Variants in DOCK5 observed in about 807,000 individuals in gnomAD.
DOCK5 encodes the protein dedicator of cytokinesis 5.
In DOCK5, 142 loss-of-function variants were observed where a neutral mutation model predicts 251.8. That is an observed-to-expected ratio of 0.56 (90% CI 0.49 to 0.65). The LOEUF (loss-of-function observed/expected upper bound fraction) is 0.65. DOCK5 is among the 30% of genes least tolerant of loss of function. DOCK5 has a pLI of 0.00. For synonymous variants in DOCK5, 842 were observed against 835.5 expected (o/e 1.01, Z -0.13); for missense variants, 2,111 against 2,312.3 (o/e 0.91, Z 1.79).
At chr8:25,231,041 C>T (rs906076331) in intron 1 of DOCK5, among the ~76,000 whole-genome samples, 3 of 152,032 alleles carry the variant, frequency 2.0e-5, no homozygotes, top group South Asian at 2.1e-4. Flanking sequence ...AACATACCCT[C>T]GGGTTAGTGT....
At chr8:25,273,528 G>A (rs368693382) in intron 3 of DOCK5, among the ~76,000 whole-genome samples, 6 of 152,342 alleles carry the variant, frequency 3.9e-5, no homozygotes, top group African/African-American at 9.6e-5. Context: ...GCTTGAGCCC[G>A]GAGGGCGGAG....
chr8:25,221,019 C>G (rs1013338678), intron 1 of DOCK5, among the ~76,000 whole-genome samples: 3 of 152,062 alleles, frequency 2.0e-5, no homozygotes, highest in Non-Finnish European at 2.9e-5. Context: ...TGTCCCATCT[C>G]TCAAATTTCC....
intron 2 of DOCK5, among the ~76,000 whole-genome samples, chr8:25,246,186 A>G (rs1803101294): frequency 6.6e-6 from 1 of 152,126 alleles, no homozygotes; most frequent in African/African-American, 2.4e-5. Context: ...CCAGGGCTTC[A>G]ATTTTTGTCC....
At chr8:25,250,222 A>T (rs1200821056) in intron 2 of DOCK5, among the ~76,000 whole-genome samples, 2 of 152,184 alleles carry the variant, frequency 1.3e-5, no homozygotes, top group Non-Finnish European at 2.9e-5. Flanking sequence ...TTTTTCACTC[A>T]TTTGACTCTC....
intron 44 of DOCK5, among the ~76,000 whole-genome samples, chr8:25,394,271 T>C (rs1801308017): frequency 6.6e-6 from 1 of 152,106 alleles, no homozygotes. Context: ...TGGATATGAA[T>C]TTTGGATGGA....
intron 2 of DOCK5, among the ~76,000 whole-genome samples, chr8:25,253,319 G>T (rs1803323752): frequency 6.6e-6 from 1 of 152,150 alleles, no homozygotes; most frequent in East Asian, 1.9e-4. Flanking sequence ...GCTTTTGGGA[G>T]TACTCTGGAG....
At chr8:25,306,551 G>T (rs2956653) in intron 11 of DOCK5, among the ~76,000 whole-genome samples, 92,875 of 151,772 alleles carry the variant, frequency 0.61, 30,861 homozygotes, top group East Asian at 0.76. Flanking sequence ...AAAATTATCT[G>T]GGCACAGTGG....
At position 25,186,938 on chromosome 8, in the gene DOCK5, G is replaced by A. The variant is rs559609320; in HGVS notation, c.43+1987G>A. ...ATTTGGGCCAGGTGCGATGGCTCAC[G>A]TCTGTAATCCCAACAATTTGGGTGG... is the stretch of plus-strand genomic sequence containing the variant. On this transcript the variant is annotated intron_variant, in intron 1 of 51. Coordinates refer to ENST00000276440, the MANE Select transcript of DOCK5 (RefSeq NM_024940.8). 1.8e-4 allele frequency among the ~76,000 whole-genome samples: 27 copies of A among 152,036 alleles called. 1 individual carries two copies. The South Asian group carries it at 5.2e-3, about 29-fold the overall frequency.
chr8:25,339,194 G>T (rs13267838), intron 22 of DOCK5, among the ~76,000 whole-genome samples: 8,180 of 152,166 alleles, frequency 0.054, 304 homozygotes, highest in South Asian at 0.12. Context: ...GTTGCCTTCC[G>T]CAGAGCTTAA....
At chr8:25,362,985 G>A (rs542506649) in intron 28 of DOCK5, 62 bp from the exon 29 acceptor site, 14 of 1,273,224 alleles carry the variant, frequency 1.1e-5, no homozygotes, top group African/African-American at 4.4e-5. Context: ...TTGTATACAC[G>A]CCAGAATAAA....
At chr8:25,205,107 A>AGG (rs1289460110) in intron 1 of DOCK5, among the ~76,000 whole-genome samples, 1 of 152,148 alleles carries the variant, frequency 6.6e-6, no homozygotes, top group African/African-American at 2.4e-5. Context: ...TATGTTGGCC[A>AGG]GGTTGGTCTT....
chr8:25,368,369 GAAGTGAAAGTT>G (rs1800815471), intron 32 of DOCK5, 119 bp downstream of exon 32: 1 of 1,144,648 alleles, frequency 8.7e-7, no homozygotes, highest in Non-Finnish European at 1.2e-6. Flanking sequence ...TGTGTGTCTG[GAAGTGAAAGTT>G]GATTTGTGGG....
At chr8:25,410,244 C>T (rs1171217648) in intron 51 of DOCK5, 42 bp downstream of exon 51, 1 of 1,561,842 alleles carries the variant, frequency 6.4e-7, no homozygotes, top group East Asian at 2.3e-5. Flanking sequence ...GGGAGCGCCA[C>T]TCCTGGGAAG....
chr8:25,392,154 A>T (rs1349967083), intron 43 of DOCK5, among the ~76,000 whole-genome samples, 174 bp downstream of exon 43: 2 of 152,246 alleles, frequency 1.3e-5, no homozygotes, highest in Middle Eastern at 6.8e-3. Flanking sequence ...ATACAAAAAA[A>T]TTAGCCGGGC....
intron 2 of DOCK5, among the ~76,000 whole-genome samples, chr8:25,255,340 T>G (rs79445305): frequency 0.027 from 4,044 of 152,254 alleles, 212 homozygotes; most frequent in African/African-American, 0.092. Context: ...AAACACAGTG[T>G]TACATCCAGA....
intron 1 of DOCK5, among the ~76,000 whole-genome samples, chr8:25,205,653 T>G (rs938074788): frequency 3.3e-5 from 5 of 152,212 alleles, no homozygotes; most frequent in African/African-American, 7.2e-5. Flanking sequence ...CTTCTGGCCT[T>G]GAAAATCCTG....
At chr8:25,252,343 G>C (rs1388509739) in intron 2 of DOCK5, among the ~76,000 whole-genome samples, 1 of 152,104 alleles carries the variant, frequency 6.6e-6, no homozygotes, top group South Asian at 2.1e-4. Context: ...CTTCAATAGG[G>C]GTGTCCAAGG....
chr8:25,297,263 T>C (rs1804641630), intron 7 of DOCK5, among the ~76,000 whole-genome samples: 1 of 151,086 alleles, frequency 6.6e-6, no homozygotes, highest in Admixed American at 6.6e-5. Flanking sequence ...CCCGGCTAAT[T>C]TTTGTAATTT....
At position 25,358,955 on chromosome 8, in the gene DOCK5, C is replaced by T. The variant is rs1162258165; in HGVS notation, c.2851-8C>T. 1 of 1,613,012 alleles carries T rather than the reference C, an allele frequency of 6.2e-7. No homozygotes were observed. The highest frequency in any genetic ancestry group is 1.3e-5 in the African/African-American group (1 of 75,008). On this transcript the variant is annotated splice_region_variant and splice_polypyrimidine_tract_variant and intron_variant, in intron 27 of 51. Coordinates refer to ENST00000276440, the MANE Select transcript of DOCK5 (RefSeq NM_024940.8). The stretch of plus-strand genomic sequence containing the variant: ...AGTCTTGGATTTGTGCTTTCCTTTT[C>T]CTTCCAGGGGAGTTTTGTGGCTTGC...
Sources: allele counts gnomAD v4.1 joint callset (sites outside exome capture counted in the v4.1 genomes callset), GRCh38; gene constraint gnomAD v4.1.1; transcripts MANE v1.5; gene names NCBI Gene and HGNC (gene_info 2026-07-23, HGNC 2026-07-21).